The following TBC1D3L variants were observed in gnomAD, a reference collection of about 807,000 sequenced individuals.
TBC1D3L encodes the protein TBC1 domain family member 3L.
At position 37,978,678 on chromosome 17, in the gene TBC1D3L, CG is replaced by C; in HGVS notation, c.1441del (p.Arg481ValfsTer22). On this transcript the variant is annotated frameshift_variant, in exon 13 of 13. Coordinates refer to ENST00000612727, the MANE Select transcript of TBC1D3L (RefSeq NM_001369500.1). LOFTEE classifies it high-confidence loss of function. Reference sequence around the variant, plus strand: ...CAGCTGGTCCTCCTGGGATATGGCACGGACCCAGCAGCTCTGTCTGAAATCA... The same window carrying C: ...CAGCTGGTCCTCCTGGGATATGGCACGACCCAGCAGCTCTGTCTGAAATCA... ...HYDFRQSCWV[R>X]AISQEDQLAP... The C allele has an allele frequency of 1.7e-6, 1 of 575,972 alleles. No homozygotes were observed. Among genetic ancestry groups the C allele is most frequent in the Non-Finnish European group, 2.8e-6 (1 of 358,384 alleles). 35.7% of individuals were successfully genotyped at this position (575,972 alleles called of 1,614,324 possible).
rs2035773057 is a variant in TBC1D3L at position 37,981,535 on chromosome 17, CT to C, written c.762+20del. On this transcript the variant is annotated intron_variant, in intron 9 of 12. Transcript: ENST00000612727. ...CGGGAGGCAGGGCCTCTGGGAAGAG[CT>C]GAGGGGACCATAAACTCACCTGATG... 9 of 37,030 alleles carry C rather than the reference CT, an allele frequency of 2.4e-4. No individual in the cohort carries two copies. Among genetic ancestry groups the C allele is most frequent in the Middle Eastern group, 6.7e-3 (1 of 150 alleles). The allele number at this position is 37,030 out of a possible 1,614,324, so 2.3% of individuals were successfully genotyped here.
chr17:37,980,040 T>C lies in TBC1D3L; in HGVS notation c.1061A>G (p.Gln354Arg). Residue 354 changes from glutamine (Q) to arginine (R), a missense_variant, in exon 12 of 13, where the codon CAG becomes CGG. By Grantham distance (43) the Gln-to-Arg change is conservative. Transcript: ENST00000612727. ...RASMKKLTRK[Q>R]GDLQPPAKPE... ...CCCACCTGGGGGTTGCAGGTCCCCCTGCTTTCTTGTTAGTTTCTTCATAGA... is the reference window on the plus strand; with the variant it reads ...CCCACCTGGGGGTTGCAGGTCCCCCCGCTTTCTTGTTAGTTTCTTCATAGA... 1 of 1,469,282 alleles carries C rather than the reference T, an allele frequency of 6.8e-7. No homozygotes were observed. The highest frequency in any genetic ancestry group is 8.9e-7 in the Non-Finnish European group (1 of 1,119,246). 91.0% of individuals were successfully genotyped at this position (1,469,282 alleles called of 1,614,324 possible). A position where few individuals can be genotyped will look rare whatever the true frequency, so the allele number is the denominator to read the frequency against.
Position 37,978,860 on chromosome 17 carries a change from AG to A in TBC1D3L, c.1259del (p.Ala420ValfsTer45). 1 of 417,246 alleles carries A rather than the reference AG, an allele frequency of 2.4e-6. No individual in the cohort carries two copies. The highest frequency in any genetic ancestry group is 4.0e-6 in the Non-Finnish European group (1 of 250,298). 25.8% of individuals were successfully genotyped at this position (417,246 alleles called of 1,614,324 possible). The stretch of plus-strand genomic sequence containing the variant: ...CCACAGGGTAGGTGTCTTCCCGGAC[AG>A]CCCCACCAGGACAGGGTGTGGAAGA... ...PRSSTPCPGG[A>X]VREDTYPVGT... is the part of the protein sequence containing the mutation. On this transcript the variant is annotated frameshift_variant, in exon 13 of 13. Coordinates refer to ENST00000612727, the MANE Select transcript of TBC1D3L (RefSeq NM_001369500.1). LOFTEE classifies it high-confidence loss of function.
chr17:37,979,925 AAGGCCCAGGTAGT>A lies in TBC1D3L; in HGVS notation c.1081+82_1081+94del, dbSNP rs2035765009. 3 of 463,762 alleles carry A rather than the reference AAGGCCCAGGTAGT, an allele frequency of 6.5e-6. 1 individual carries two copies. In the Admixed American group the frequency reaches 1.3e-4, roughly 20 times the overall value. 28.7% of individuals were successfully genotyped at this position (463,762 alleles called of 1,614,324 possible). A position where few individuals can be genotyped will look rare whatever the true frequency, so the allele number is the denominator to read the frequency against. The stretch of plus-strand genomic sequence containing the variant: ...AGAGGAGGAAGAAAAGGTGAAGAGG[AAGGCCCAGGTAGT>A]AGGGTTGCGGGTCCCGGGCACTCCC... On this transcript the variant is annotated intron_variant, in intron 12 of 12. Coordinates refer to ENST00000612727, the MANE Select transcript of TBC1D3L (RefSeq NM_001369500.1).
rs2035753261 is a variant in TBC1D3L, at chr17:37,978,386, C to CAAAAA, written c.*79_*83dup. 1 of 988,270 alleles carries CAAAAA rather than the reference C, an allele frequency of 1.0e-6. No homozygotes were observed. The highest frequency in any genetic ancestry group is 1.3e-6 in the Non-Finnish European group (1 of 744,810). The allele number at this position is 988,270 out of a possible 1,614,324, so 61.2% of individuals were successfully genotyped here. On this transcript the variant is annotated 3_prime_UTR_variant, in exon 13 of 13. Transcript: ENST00000612727. The stretch of plus-strand genomic sequence containing the variant: ...CTTAATACATTTTCATAAGTTTAAC[C>CAAAAA]AAAAATAAAACGAGGATGCGAAGCT...
In TBC1D3L at chr17:37,978,168, AAAC is replaced by A; in HGVS notation, c.*299_*301del. ...TAAAATCTAAAATCATTTCAACAGG[AAAC>A]ATTTATTTCAAAACATGAAGGTGGT... On this transcript the variant is annotated 3_prime_UTR_variant, in exon 13 of 13. Coordinates refer to ENST00000612727, the MANE Select transcript of TBC1D3L (RefSeq NM_001369500.1). The A allele has an allele frequency of 4.4e-6, 1 of 229,838 alleles. No individual in the cohort carries two copies. Among genetic ancestry groups the A allele is most frequent in the Non-Finnish European group, 7.3e-6 (1 of 137,536 alleles). 14.2% of individuals were successfully genotyped at this position (229,838 alleles called of 1,614,324 possible).
At position 37,978,422 on chromosome 17, in the gene TBC1D3L, G is replaced by GA; in HGVS notation, c.*47_*48insT. On this transcript the variant is annotated 3_prime_UTR_variant, in exon 13 of 13. Transcript: ENST00000612727. ...CGAGGATGCGAAGCTTGCTTGGGTT[G>GA]TTAAGCCTAGGGAAATTATCCAGCC... is the stretch of plus-strand genomic sequence containing the variant. 9.7e-7 allele frequency: 1 copy of GA among 1,025,694 alleles called. No homozygotes were observed. The highest frequency in any genetic ancestry group is 1.3e-6 in the Non-Finnish European group (1 of 752,278). 63.5% of individuals were successfully genotyped at this position (1,025,694 alleles called of 1,614,324 possible).
Position 37,978,613 on chromosome 17 carries a change from TCAC to T in TBC1D3L, c.1504_1506del (p.Val502del). 1 of 1,468,010 alleles carries T rather than the reference TCAC, an allele frequency of 6.8e-7. No individual in the cohort carries two copies. The highest frequency in any genetic ancestry group is 9.0e-7 in the Non-Finnish European group (1 of 1,116,078). 90.9% of individuals were successfully genotyped at this position (1,468,010 alleles called of 1,614,324 possible). A position where few individuals can be genotyped will look rare whatever the true frequency, so the allele number is the denominator to read the frequency against. On this transcript the variant is annotated inframe_deletion, in exon 13 of 13. Transcript: ENST00000612727. ...GTGCTGGGTGCAGCGAAAGCCGATC[TCAC>T]CCGCTCCGCAGGGTGTTCAGCCTGC...
At chr17:37,980,396 TCA>T in intron 11 of TBC1D3L, 145 bp downstream of exon 11, 2 of 213,940 alleles carry the variant, frequency 9.3e-6, no homozygotes, top group Non-Finnish European at 1.6e-5. Flanking sequence ...GGGCTCGGTG[TCA>T]CAGTGTCCTG....
In TBC1D3L at chr17:37,978,826, CCT is replaced by C. The variant is rs2143983572; in HGVS notation, c.1292_1293del (p.Gln431ArgfsTer42). On this transcript the variant is annotated frameshift_variant, in exon 13 of 13. Transcript: ENST00000612727. LOFTEE classifies it high-confidence loss of function. ...TGAGCCAGGGCCGGGCTGGGCACACCCTGAGTGCCCACAGGGTAGGTGTCTTC... is the reference window on the plus strand; with the variant it reads ...TGAGCCAGGGCCGGGCTGGGCACACCGAGTGCCCACAGGGTAGGTGTCTTC... ...VREDTYPVGT[Q>X]GVPSPALAQG... is the part of the protein sequence containing the mutation. 1 of 435,656 alleles carries C rather than the reference CCT, an allele frequency of 2.3e-6. No individual in the cohort carries two copies. The highest frequency in any genetic ancestry group is 3.2e-5 in the East Asian group (1 of 31,496). The allele number at this position is 435,656 out of a possible 1,614,324, so 27.0% of individuals were successfully genotyped here.
At chr17:37,979,997 G>C in intron 12 of TBC1D3L, 23 bp downstream of exon 12, 1 of 1,464,314 alleles carries the variant, frequency 6.8e-7, no homozygotes, top group Non-Finnish European at 9.0e-7. Context: ...TGACATGGGA[G>C]GGGACATGGC....
rs1459239714 is a variant in TBC1D3L, at chr17:37,978,268, GC to G, written c.*201del. The G allele has an allele frequency of 9.1e-4, 343 of 377,690 alleles. No individual in the cohort carries two copies. The highest frequency in any genetic ancestry group is 1.2e-3 in the Non-Finnish European group (280 of 226,796). The allele number at this position is 377,690 out of a possible 1,614,324, so 23.4% of individuals were successfully genotyped here. ...CAGAATTCAGAACGATGGTCGTGGG[GC>G]TGGGGGTGCTGGGAGGGGCTGGGCA... On this transcript the variant is annotated 3_prime_UTR_variant, in exon 13 of 13. Transcript: ENST00000612727.
rs1330100892 is a variant in TBC1D3L, at chr17:37,978,418, GGTT to G, written c.*49_*51del. On this transcript the variant is annotated 3_prime_UTR_variant, in exon 13 of 13. Coordinates refer to ENST00000612727, the MANE Select transcript of TBC1D3L (RefSeq NM_001369500.1). The stretch of plus-strand genomic sequence containing the variant: ...AAAACGAGGATGCGAAGCTTGCTTG[GGTT>G]GTTAAGCCTAGGGAAATTATCCAGC... 13 of 1,065,076 alleles carry G rather than the reference GGTT, an allele frequency of 1.2e-5. 2 individuals carry two copies. The highest frequency in any genetic ancestry group is 1.1e-4 in the African/African-American group (2 of 17,516). The allele number at this position is 1,065,076 out of a possible 1,614,324, so 66.0% of individuals were successfully genotyped here.
In TBC1D3L at chr17:37,978,355, CTCTT is replaced by C. The variant is rs2143981819; in HGVS notation, c.*111_*114del. The C allele has an allele frequency of 9.2e-6, 8 of 869,052 alleles. No individual in the cohort carries two copies. The East Asian group carries it at 1.4e-4, about 15-fold the overall frequency. 53.8% of individuals were successfully genotyped at this position (869,052 alleles called of 1,614,324 possible). On this transcript the variant is annotated 3_prime_UTR_variant, in exon 13 of 13. Transcript: ENST00000612727. ...ATCTCTGAATCTCTCTCGAGCTGCA[CTCTT>C]TCTTAATACATTTTCATAAGTTTAA... is the stretch of plus-strand genomic sequence containing the variant.
chr17:37,978,172 AT>A lies in TBC1D3L; in HGVS notation c.*297del. On this transcript the variant is annotated 3_prime_UTR_variant, in exon 13 of 13. Transcript: ENST00000612727. ...ATCTAAAATCATTTCAACAGGAAAC[AT>A]TTATTTCAAAACATGAAGGTGGTTA... The A allele has an allele frequency of 4.2e-6, 1 of 239,128 alleles. No individual in the cohort carries two copies. The highest frequency in any genetic ancestry group is 7.0e-6 in the Non-Finnish European group (1 of 143,168). The allele number at this position is 239,128 out of a possible 1,614,324, so 14.8% of individuals were successfully genotyped here. A position where few individuals can be genotyped will look rare whatever the true frequency, so the allele number is the denominator to read the frequency against.
intron 12 of TBC1D3L, 48 bp downstream of exon 12, chr17:37,979,965 TACTACTG>T: frequency 8.2e-7 from 1 of 1,225,816 alleles, no homozygotes; most frequent in Non-Finnish European, 1.1e-6. Context: ...GGCACTCCCC[TACTACTG>T]ACTACCCCAG....
chr17:37,980,303 CACAGGAG>C, intron 11 of TBC1D3L, 131 bp from the exon 12 acceptor site: 1 of 412,316 alleles, frequency 2.4e-6, no homozygotes, highest in East Asian at 4.0e-5. Flanking sequence ...TCCAGATACA[CACAGGAG>C]ACTGTGGCTG....
chr17:37,980,149 AC>A lies in TBC1D3L; in HGVS notation c.951del (p.Arg317SerfsTer31). ...TTGCAAAAACGTGCCCACGGGCCAC[AC>A]CTGGACGTCTTCGTGAGGCGCTCTA... ...VQQKRLTKTS[R>X]CGPWARFCNR... On this transcript the variant is annotated frameshift_variant, in exon 12 of 13. Transcript: ENST00000612727. LOFTEE classifies it high-confidence loss of function. 5 of 1,250,294 alleles carry A rather than the reference AC, an allele frequency of 4.0e-6. 1 individual carries two copies. Among genetic ancestry groups the A allele is most frequent in the Non-Finnish European group, 5.2e-6 (5 of 953,364 alleles). The allele number at this position is 1,250,294 out of a possible 1,614,324, so 77.5% of individuals were successfully genotyped here.
chr17:37,981,806 TG>T (rs1393223104), intron 8 of TBC1D3L, among the ~76,000 whole-genome samples, 156 bp from the exon 9 acceptor site: 26 of 5,140 alleles, frequency 5.1e-3, no homozygotes, highest in South Asian at 0.016. Flanking sequence ...CCTGGGGAGG[TG>T]GGGCGGGAAC....
Sources: gnomAD v4.1 joint callset for allele counts (sites outside exome capture counted in the v4.1 genomes callset) on GRCh38, gnomAD v4.1.1 for gene constraint, MANE v1.5 for transcripts, NCBI Gene and HGNC (gene_info 2026-07-23, HGNC 2026-07-21) for gene names.